Variants in KPNA6 observed in about 807,000 individuals in gnomAD.
The protein encoded by KPNA6 is importin subunit alpha-7.
A neutral mutation model predicts 72.0 loss-of-function variants in KPNA6; 9 were observed. That is an observed-to-expected ratio of 0.13 (90% CI 0.08 to 0.22). The LOEUF (loss-of-function observed/expected upper bound fraction) is 0.22. Among genes scored for constraint, KPNA6 ranks in the 10% least tolerant of loss-of-function variants. The probability of loss-of-function intolerance (pLI) is 1.00; values close to 1 mark genes in which losing one functional copy is unlikely to be tolerated. For missense variants in KPNA6, 374 were observed against 655.7 expected (o/e 0.57, Z 4.69); for synonymous variants, 219 against 242.1 (o/e 0.90, Z 0.89).
chr1:32,135,533 A>G (rs909328838), intron 1 of KPNA6, among the ~76,000 whole-genome samples: 1 of 139,778 alleles, frequency 7.2e-6, no homozygotes, highest in African/African-American at 2.7e-5. Flanking sequence ...GGGTCTAATT[A>G]TGTTGCCCAG....
chr1:32,164,787 A>T (rs758453021), intron 10 of KPNA6, among the ~76,000 whole-genome samples: 2 of 149,452 alleles, frequency 1.3e-5, no homozygotes, highest in African/African-American at 2.5e-5. Flanking sequence ...GGAGTTCTTC[A>T]TATGTTCTGG....
chr1:32,110,252 A>C (rs1041633694), intron 1 of KPNA6, among the ~76,000 whole-genome samples: 1 of 151,712 alleles, frequency 6.6e-6, no homozygotes, highest in East Asian at 2.0e-4. Flanking sequence ...TTTAGTAGAG[A>C]CAGGGTTTCA....
intron 1 of KPNA6, among the ~76,000 whole-genome samples, chr1:32,114,933 C>T (rs533323024): frequency 3.3e-5 from 5 of 152,232 alleles, no homozygotes; most frequent in South Asian, 2.1e-4. Context: ...CTCTGTCTCC[C>T]GGGTTCAAGT....
rs1211807536 is a variant in KPNA6 at position 32,173,727 on chromosome 1, T to TACCCTGGC, written c.*2834_*2841dup. On this transcript the variant is annotated 3_prime_UTR_variant, in exon 14 of 14. Transcript: ENST00000373625. ...GTGGACAGTCTTCATCTAGATTCCA[T>TACCCTGGC]ACCCTGGCCTAGGCGAGGTAAGGCT... is the stretch of plus-strand genomic sequence containing the variant. The TACCCTGGC allele has an allele frequency of 6.6e-6, 1 of 152,236 alleles. No individual in the cohort carries two copies. Among genetic ancestry groups the TACCCTGGC allele is most frequent in the East Asian group, 1.9e-4 (1 of 5,200 alleles). The allele number at this position is 152,236 out of a possible 1,614,324, so 9.4% of individuals were successfully genotyped here.
Position 32,146,180 on chromosome 1 carries a change from A to G in KPNA6, c.5-8408A>G, listed in dbSNP as rs566430798. 3.3e-5 allele frequency among the ~76,000 whole-genome samples: 5 copies of G among 152,316 alleles called. No homozygotes were observed. The South Asian group carries it at 1.0e-3, about 32-fold the overall frequency. ...CTTCTGTCTAGGTGTTCTGTTCATT[A>G]TTGAACGTGGTTCATTAAAAGTCTC... is the stretch of plus-strand genomic sequence containing the variant. On this transcript the variant is annotated intron_variant, in intron 1 of 13. Transcript: ENST00000373625.
At chr1:32,118,301 T>A (rs372547535) in intron 1 of KPNA6, among the ~76,000 whole-genome samples, 9 of 152,152 alleles carry the variant, frequency 5.9e-5, no homozygotes, top group African/African-American at 2.2e-4. Flanking sequence ...TGCCTTCCAG[T>A]TTGGAAATGA....
At chr1:32,108,353 G>C (rs919493339) in intron 1 of KPNA6, among the ~76,000 whole-genome samples, 10 of 152,244 alleles carry the variant, frequency 6.6e-5, no homozygotes, top group African/African-American at 2.4e-4. Flanking sequence ...GGGACACCTT[G>C]GCACGCCTGG....
chr1:32,160,774 A>C (rs938813835), intron 7 of KPNA6, 71 bp downstream of exon 7: 1 of 1,043,234 alleles, frequency 9.6e-7, no homozygotes, highest in African/African-American at 1.6e-5. Context: ...TGGGGGCAGC[A>C]TACTTGATTC....
chr1:32,171,203 T>C lies in KPNA6; in HGVS notation c.*309T>C. The C allele has an allele frequency of 3.2e-6, 1 of 315,096 alleles. No homozygotes were observed. The allele number at this position is 315,096 out of a possible 1,614,324, so 19.5% of individuals were successfully genotyped here. On this transcript the variant is annotated 3_prime_UTR_variant, in exon 14 of 14. Transcript: ENST00000373625. Reference sequence around the variant, plus strand: ...AGCCCAGGGGTAGACAAAGGAGGACTAAGGTAATCAATTTGCACCTTTTTT... The same window carrying C: ...AGCCCAGGGGTAGACAAAGGAGGACCAAGGTAATCAATTTGCACCTTTTTT...
At chr1:32,151,795 G>A (rs535470740) in intron 1 of KPNA6, among the ~76,000 whole-genome samples, 7 of 152,282 alleles carry the variant, frequency 4.6e-5, no homozygotes, top group Non-Finnish European at 7.4e-5. Flanking sequence ...GGCTGGAAGT[G>A]GAAGTGATAA....
In KPNA6 at chr1:32,155,326, C is replaced by CT. The variant is rs1313895233; in HGVS notation, c.138+618dup. Among the ~76,000 whole-genome samples, 1,299 of 133,320 alleles carry CT rather than the reference C, an allele frequency of 9.7e-3. 12 individuals carry two copies. Among genetic ancestry groups the CT allele is most frequent in the African/African-American group, 0.029 (1,071 of 36,398 alleles). 87.5% of individuals were successfully genotyped at this position (133,320 alleles called of 152,430 possible). ...TTACCTTTTCTTTTCTTTTTTTTTT[C>CT]TTTTTTTTTTTTTGAGACGGAGTCT... is the stretch of plus-strand genomic sequence containing the variant. On this transcript the variant is annotated intron_variant, in intron 2 of 13. Coordinates refer to ENST00000373625, the MANE Select transcript of KPNA6 (RefSeq NM_012316.5).
chr1:32,130,721 C>G (rs2124534862), intron 1 of KPNA6, among the ~76,000 whole-genome samples: 1 of 151,544 alleles, frequency 6.6e-6, no homozygotes, highest in East Asian at 1.9e-4. Context: ...CAAGATGGCA[C>G]CACTGCACTC....
chr1:32,127,605 T>C (rs912337440), intron 1 of KPNA6, among the ~76,000 whole-genome samples: 1 of 152,246 alleles, frequency 6.6e-6, no homozygotes, highest in African/African-American at 2.4e-5. Context: ...CCTCTTTGTC[T>C]GAAGACGAGT....
Position 32,160,668 on chromosome 1 carries a change from C to T in KPNA6, c.612C>T (p.Tyr204=), listed in dbSNP as rs1269237154. 5 of 1,613,904 alleles carry T rather than the reference C, an allele frequency of 3.1e-6. No individual in the cohort carries two copies. Among genetic ancestry groups the T allele is most frequent in the South Asian group, 1.1e-5 (1 of 91,080 alleles). The part of the protein sequence containing the change: ...IAGDSSVCRD[Y]VLNCSILNPL... ...GAGATAGCTCTGTTTGCCGAGATTACGTCTTGAACTGTTCCATCCTTAATC... is the reference window on the plus strand; with the variant it reads ...GAGATAGCTCTGTTTGCCGAGATTATGTCTTGAACTGTTCCATCCTTAATC... Residue 204 remains tyrosine (Y), a synonymous_variant, in exon 7 of 14, where the codon TAC becomes TAT. Transcript: ENST00000373625.
intron 1 of KPNA6, among the ~76,000 whole-genome samples, chr1:32,145,221 A>T (rs1489238994): frequency 6.6e-6 from 1 of 151,706 alleles, no homozygotes; most frequent in Non-Finnish European, 1.5e-5. Flanking sequence ...GGCCTCCCAA[A>T]GTGCTGGGAT....
intron 1 of KPNA6, among the ~76,000 whole-genome samples, chr1:32,135,906 C>T: frequency 6.6e-6 from 1 of 151,902 alleles, no homozygotes; most frequent in Non-Finnish European, 1.5e-5. Flanking sequence ...TTAGGAATTA[C>T]ATCTCAATAA....
intron 6 of KPNA6, among the ~76,000 whole-genome samples, chr1:32,159,822 C>CTCTA (rs1491364416): frequency 6.6e-6 from 1 of 152,134 alleles, no homozygotes; most frequent in Non-Finnish European, 1.5e-5. Flanking sequence ...GTGGAAAAAA[C>CTCTA]TCTATACATT....
intron 2 of KPNA6, among the ~76,000 whole-genome samples, chr1:32,155,170 A>G (rs1480414367): frequency 2.0e-5 from 3 of 150,678 alleles, no homozygotes; most frequent in South Asian, 2.1e-4. Context: ...CTACTCATCC[A>G]GTTTCCTTTG....
At chr1:32,128,387 T>TATATA (rs1553127101) in intron 1 of KPNA6, among the ~76,000 whole-genome samples, 1 of 72,168 alleles carries the variant, frequency 1.4e-5, no homozygotes, top group African/African-American at 4.7e-5. Flanking sequence ...ATATATGTAT[T>TATATA]TATATATATA....
Sources: allele counts gnomAD v4.1 joint callset (sites outside exome capture counted in the v4.1 genomes callset), GRCh38; gene constraint gnomAD v4.1.1; transcripts MANE v1.5; gene names NCBI Gene and HGNC (gene_info 2026-07-23, HGNC 2026-07-21).